Variants in SYNE2 observed in about 807,000 individuals in gnomAD.
SYNE2 encodes the protein spectrin repeat containing nuclear envelope protein 2.
SYNE2 carries 431 observed loss-of-function variants against 856.3 expected under a neutral mutation model. That is an observed-to-expected ratio of 0.50 (90% CI 0.47 to 0.55). The LOEUF is 0.55. SYNE2 is among the 20% of genes least tolerant of loss of function. The pLI is 0.00. For synonymous variants in SYNE2, 2,923 were observed against 2,872.3 expected, an observed-to-expected ratio of 1.02 and a Z score of -0.56; for missense variants, 8,129 against 8,023.2, an observed-to-expected ratio of 1.01 and a Z score of -0.50.
At chr14:64,121,904 A>C (rs753546485) in intron 68 of SYNE2, 108 bp from the exon 69 acceptor site, 8 of 1,418,184 alleles carry the variant, frequency 5.6e-6, no homozygotes, top group Non-Finnish European at 6.8e-6. Context: ...ATAGTAATTA[A>C]TGATTTAGGA....
At chr14:64,106,472 A>G (rs1045328542) in intron 64 of SYNE2, among the ~76,000 whole-genome samples, 2 of 152,034 alleles carry the variant, frequency 1.3e-5, no homozygotes, top group African/African-American at 4.8e-5. Context: ...AAACGGTGAA[A>G]CCCCATCTCT....
intron 1 of SYNE2, among the ~76,000 whole-genome samples, chr14:63,806,187 G>A (rs141463072): frequency 7.9e-5 from 12 of 152,290 alleles, no homozygotes; most frequent in African/African-American, 2.9e-4. Context: ...TTTTTAACAT[G>A]AAGAGATGTT....
At chr14:64,195,296 A>G (rs1369577598) in intron 99 of SYNE2, among the ~76,000 whole-genome samples, 1 of 152,164 alleles carries the variant, frequency 6.6e-6, no homozygotes, top group Non-Finnish European at 1.5e-5. Flanking sequence ...GCTTATCTGT[A>G]CTTTCTAAAT....
At chr14:63,952,975 C>T (rs1025019056) in intron 7 of SYNE2, among the ~76,000 whole-genome samples, 9 of 152,104 alleles carry the variant, frequency 5.9e-5, no homozygotes, top group Non-Finnish European at 8.8e-5. Flanking sequence ...GCAAGACTTT[C>T]CCTGATCCCT....
chr14:64,092,474 T>A (rs2097631355), intron 60 of SYNE2, among the ~76,000 whole-genome samples: 1 of 152,178 alleles, frequency 6.6e-6, no homozygotes, highest in African/African-American at 2.4e-5. Context: ...CGGGATGTAG[T>A]TCATTATTGA....
intron 100 of SYNE2, among the ~76,000 whole-genome samples, chr14:64,205,271 C>G (rs1320576719): frequency 6.6e-6 from 1 of 152,076 alleles, no homozygotes; most frequent in African/African-American, 2.4e-5. Flanking sequence ...TCTCAGGATA[C>G]TTTCAGTATT....
Position 64,209,521 on chromosome 14 carries a change from C to A in SYNE2, c.18483C>A (p.Cys6161Ter). The A allele has an allele frequency of 6.2e-7, 1 of 1,614,182 alleles. No individual in the cohort carries two copies. The highest frequency in any genetic ancestry group is 2.2e-5 in the East Asian group (1 of 44,888). The change falls in exon 102 of 116, where the codon TGC becomes TGA. Residue 6161 changes from cysteine to a stop codon, truncating the protein, a stop_gained. Transcript: ENST00000555002. LOFTEE classifies it high-confidence loss of function. ...WLKSAERTAA[C>*]PNSSEVLYTS... is the part of the protein sequence containing the mutation. ...AGTCAGCTGAGAGGACGGCAGCCTG[C>A]CCAAATTCCTCAGAGGTGTTGTACA...
intron 12 of SYNE2, 53 bp downstream of exon 12, chr14:63,976,780 G>A: frequency 1.3e-6 from 2 of 1,568,240 alleles, no homozygotes; most frequent in South Asian, 1.1e-5. Flanking sequence ...GTTAGGGATT[G>A]TTCTTGAGGA....
At position 64,167,353 on chromosome 14, in the gene SYNE2, A is replaced by G; in HGVS notation, c.16726A>G (p.Ile5576Val). 3.7e-6 allele frequency: 6 copies of G among 1,614,216 alleles called. No individual in the cohort carries two copies. The South Asian group carries it at 5.5e-5, about 15-fold the overall frequency. The change falls in exon 91 of 116, where the codon ATT (isoleucine) becomes GTT (valine). Residue 5576 changes from isoleucine (I) to valine (V), a missense_variant. Ile to Val is a conservative substitution (Grantham distance 29, BLOSUM62 3). Transcript: ENST00000555002. ...GTTACAAAATATGAACCGGCAATGG[A>G]TTCGGGCCACGGCCACGGCACTGGA... ...KTLQNMNRQW[I>V]RATATALERC... is the part of the protein sequence containing the mutation.
At chr14:64,146,264 G>A (rs780561057) in intron 84 of SYNE2, 41 bp downstream of exon 84, 48 of 1,565,030 alleles carry the variant, frequency 3.1e-5, no homozygotes, top group African/African-American at 6.8e-5. Flanking sequence ...CGCGAGCTGG[G>A]GTGATTCGGT....
intron 1 of SYNE2, among the ~76,000 whole-genome samples, chr14:63,906,966 A>G (rs368731896): frequency 2.6e-5 from 4 of 152,218 alleles, no homozygotes; most frequent in South Asian, 2.1e-4. Flanking sequence ...GGCCTCTTTT[A>G]TAAGGGGACT....
chr14:63,823,367 G>A (rs1889300574), intron 1 of SYNE2, among the ~76,000 whole-genome samples: 1 of 151,824 alleles, frequency 6.6e-6, no homozygotes, highest in African/African-American at 2.4e-5. Context: ...AGTAGAGACG[G>A]GTTTTCATCA....
chr14:64,031,900 A>T, intron 45 of SYNE2, among the ~76,000 whole-genome samples: 1 of 152,336 alleles, frequency 6.6e-6, no homozygotes, highest in South Asian at 2.1e-4. Context: ...GAACAATCAC[A>T]TGAGTACATT....
intron 57 of SYNE2, among the ~76,000 whole-genome samples, chr14:64,086,368 AC>A (rs2097561301): frequency 6.6e-6 from 1 of 152,228 alleles, no homozygotes; most frequent in South Asian, 2.1e-4. Context: ...ATATGTCTAT[AC>A]TTTCACCAAT....
chr14:64,096,689 T>A (rs950303978), intron 61 of SYNE2, among the ~76,000 whole-genome samples: 4 of 152,218 alleles, frequency 2.6e-5, no homozygotes, highest in Admixed American at 1.3e-4. Context: ...ATGTGTGCAG[T>A]ACAGCCAGGA....
At position 64,168,861 on chromosome 14, in the gene SYNE2, T is replaced by C. The variant is rs370677466; in HGVS notation, c.16906-16T>C. On this transcript the variant is annotated splice_polypyrimidine_tract_variant and intron_variant, in intron 92 of 115. Coordinates refer to ENST00000555002, the MANE Select transcript of SYNE2 (RefSeq NM_182914.3). ...AATTTTACTAGCTGATATTTTCTGC[T>C]TGGACTCATATACAGATGTTAGAAG... 5.8e-5 allele frequency: 91 copies of C among 1,564,808 alleles called. No individual in the cohort carries two copies. The African/African-American group carries it at 1.0e-3, about 17-fold the overall frequency.
In SYNE2 at chr14:64,020,106, A is replaced by T. The variant is rs2096925354; in HGVS notation, c.5151+13A>T. The T allele has an allele frequency of 1.9e-6, 3 of 1,582,526 alleles. No homozygotes were observed. In the African/African-American group the frequency reaches 4.0e-5, roughly 21 times the overall value. ...TCTTGAATTGCAGGTAAGAATTTTT[A>T]TTTAAAAGTTTCAGTTATTGAGGCT... On this transcript the variant is annotated intron_variant, in intron 35 of 115. Coordinates refer to ENST00000555002, the MANE Select transcript of SYNE2 (RefSeq NM_182914.3).
chr14:63,767,059 C>T (rs1886711572), intron 1 of SYNE2, among the ~76,000 whole-genome samples: 1 of 150,948 alleles, frequency 6.6e-6, no homozygotes, highest in Non-Finnish European at 1.5e-5. Flanking sequence ...TTAAATATGC[C>T]AAAATGGCAG....
chr14:63,762,493 C>CT (rs35827608), intron 1 of SYNE2, among the ~76,000 whole-genome samples: 25,408 of 135,402 alleles, frequency 0.19, 2,500 homozygotes, highest in African/African-American at 0.27. Flanking sequence ...CTATCAAGAA[C>CT]TTTTTTTTTT....
Sources: allele counts gnomAD v4.1 joint callset (sites outside exome capture counted in the v4.1 genomes callset), GRCh38; gene constraint gnomAD v4.1.1; transcripts MANE v1.5; gene names NCBI Gene and HGNC (gene_info 2026-07-23, HGNC 2026-07-21).